Variants in CATSPERZ observed in about 807,000 individuals in gnomAD.
CATSPERZ encodes catsper channel auxiliary subunit zeta, also known as cation channel sperm-associated auxiliary subunit zeta.
In CATSPERZ, 21 loss-of-function variants were observed where a neutral mutation model predicts 21.7. The observed-to-expected ratio is 0.97, with a 90% confidence interval of 0.69 to 1.39. CATSPERZ has a LOEUF of 1.39. CATSPERZ is among the 40% of genes most tolerant of loss of function. The probability of loss-of-function intolerance (pLI) is 0.00; values close to 1 mark genes in which losing one functional copy is unlikely to be tolerated. For synonymous variants in CATSPERZ, 127 were observed against 108.7 expected (o/e 1.17, Z -1.05); for missense variants, 234 against 259.5 (o/e 0.90, Z 0.68).
chr11:64,303,430 A>T, intron 2 of CATSPERZ, 52 bp from the exon 3 acceptor site: 1 of 1,463,810 alleles, frequency 6.8e-7, no homozygotes, highest in Non-Finnish European at 9.4e-7. Context: ...CCTGTGCTCC[A>T]GGGAAGGCCC....
At position 64,304,613 on chromosome 11, in the gene CATSPERZ, G is replaced by A. The variant is rs1007053694; in HGVS notation, c.570G>A (p.Lys190=). Residue 190 remains lysine, a synonymous_variant, in exon 5 of 5, where the codon AAG becomes AAA. Transcript: ENST00000328404. ...KELQRYIEGL[K]KRRSKRLYVN is the part of the protein sequence containing the mutation. Reference sequence around the variant, plus strand: ...TGCAGCGATACATCGAAGGGCTCAAGAAGCGCCGGAGCAAGAGGCTGTACG... The same window carrying A: ...TGCAGCGATACATCGAAGGGCTCAAAAAGCGCCGGAGCAAGAGGCTGTACG... 1 of 1,581,890 alleles carries A rather than the reference G, an allele frequency of 6.3e-7. No individual in the cohort carries two copies. Among genetic ancestry groups the A allele is most frequent in the African/African-American group, 1.3e-5 (1 of 74,224 alleles).
rs187834542 is a variant in CATSPERZ, at chr11:64,303,091, G to A, written c.353-391G>A. 6.4e-4 allele frequency among the ~76,000 whole-genome samples: 96 copies of A among 151,050 alleles called. 2 individuals carry two copies. The East Asian group carries it at 0.016, about 26-fold the overall frequency. ...ATTTTTGTATTTTTAGTAGAGACGGGGGTTTCACCATGTTGGCCAGGTTGG... is the reference window on the plus strand; with the variant it reads ...ATTTTTGTATTTTTAGTAGAGACGGAGGTTTCACCATGTTGGCCAGGTTGG... On this transcript the variant is annotated intron_variant, in intron 2 of 4. Coordinates refer to ENST00000328404, the MANE Select transcript of CATSPERZ (RefSeq NM_001039496.2).
At chr11:64,302,731 C>A (rs2034946966) in intron 2 of CATSPERZ, among the ~76,000 whole-genome samples, 1 of 151,814 alleles carries the variant, frequency 6.6e-6, no homozygotes, top group South Asian at 2.1e-4. Flanking sequence ...TGCCACTATG[C>A]CTGGCTAATT....
intron 2 of CATSPERZ, among the ~76,000 whole-genome samples, chr11:64,303,044 C>CA (rs886950185): frequency 6.6e-6 from 1 of 151,822 alleles, no homozygotes; most frequent in Non-Finnish European, 1.5e-5. Flanking sequence ...GGATTACAGG[C>CA]ACTTGCCAGC....
chr11:64,300,375 G>T lies in CATSPERZ; in HGVS notation c.-36G>T, dbSNP rs762862526. 7.0e-7 allele frequency: 1 copy of T among 1,422,300 alleles called. No homozygotes were observed. Among genetic ancestry groups the T allele is most frequent in the Admixed American group, 1.9e-5 (1 of 53,880 alleles). 88.1% of individuals were successfully genotyped at this position (1,422,300 alleles called of 1,614,324 possible). ...GGAGCGTTGACTCCCTTCTCGTCTC[G>T]AGGCCTGTGGCGTCTGGGTCCGTTG... On this transcript the variant is annotated 5_prime_UTR_variant, in exon 1 of 5. Transcript: ENST00000328404.
At position 64,303,923 on chromosome 11, in the gene CATSPERZ, CAGGGTG is replaced by C. The variant is rs2034971147; in HGVS notation, c.499+85_499+90del. 20 of 1,377,872 alleles carry C rather than the reference CAGGGTG, an allele frequency of 1.5e-5. No homozygotes were observed. In the East Asian group the frequency reaches 2.7e-4, roughly 19 times the overall value. 85.4% of individuals were successfully genotyped at this position (1,377,872 alleles called of 1,614,324 possible). ...GCTGGGGCCCAGGGGGGTGGGGTTTCAGGGTGCCTTATGTCTTGTCAGATGCCCTTG... is the reference window on the plus strand; with the variant it reads ...GCTGGGGCCCAGGGGGGTGGGGTTTCCCTTATGTCTTGTCAGATGCCCTTG... On this transcript the variant is annotated intron_variant, in intron 4 of 4. Coordinates refer to ENST00000328404, the MANE Select transcript of CATSPERZ (RefSeq NM_001039496.2).
rs2034904956 is a variant in CATSPERZ at position 64,300,558 on chromosome 11, G to A, written c.22-99G>A. On this transcript the variant is annotated intron_variant, in intron 1 of 4. Coordinates refer to ENST00000328404, the MANE Select transcript of CATSPERZ (RefSeq NM_001039496.2). ...GCCCCCACCCAACCCCACGTTCTAC[G>A]GGATCCCCAACCCGGCCCGGCTCAG... is the stretch of plus-strand genomic sequence containing the variant. 6 of 1,498,050 alleles carry A rather than the reference G, an allele frequency of 4.0e-6. No individual in the cohort carries two copies. The Admixed American group carries it at 6.1e-5, about 15-fold the overall frequency. The allele number at this position is 1,498,050 out of a possible 1,614,324, so 92.8% of individuals were successfully genotyped here. A position where few individuals can be genotyped will look rare whatever the true frequency, so the allele number is the denominator to read the frequency against.
chr11:64,302,049 G>A (rs536636834), intron 2 of CATSPERZ, among the ~76,000 whole-genome samples: 3 of 152,228 alleles, frequency 2.0e-5, no homozygotes, highest in Admixed American at 2.0e-4. Context: ...TGGTTGAGGA[G>A]GTGTACGTCT....
intron 2 of CATSPERZ, among the ~76,000 whole-genome samples, chr11:64,302,242 C>T (rs1042796785): frequency 6.6e-6 from 1 of 152,206 alleles, no homozygotes; most frequent in Non-Finnish European, 1.5e-5. Context: ...CTTCAAACTT[C>T]ACAACCTCCA....
At chr11:64,304,507 C>T in intron 4 of CATSPERZ, 36 bp from the exon 5 acceptor site, 1 of 1,520,892 alleles carries the variant, frequency 6.6e-7, no homozygotes, top group Non-Finnish European at 8.9e-7. Context: ...CTTTCGGTTG[C>T]TCACTGCCCT....
rs369046088 is a variant in CATSPERZ, at chr11:64,303,516, G to A, written c.387G>A (p.Ala129=). The change falls in exon 3 of 5, where the codon GCG becomes GCA. Residue 129 remains alanine, a synonymous_variant. Coordinates refer to ENST00000328404, the MANE Select transcript of CATSPERZ (RefSeq NM_001039496.2). Reference sequence around the variant, plus strand: ...CCTCAATGTCATCACTCAATATTGCGAAGCACATGCCCCATCGAGCCTACT... The same window carrying A: ...CCTCAATGTCATCACTCAATATTGCAAAGCACATGCCCCATCGAGCCTACT... ...KSSSMSSLNI[A]KHMPHRAYWA... is the part of the protein sequence containing the mutation. 21 of 1,613,402 alleles carry A rather than the reference G, an allele frequency of 1.3e-5. No individual in the cohort carries two copies. The highest frequency in any genetic ancestry group is 1.6e-4 in the Middle Eastern group (1 of 6,062).
rs375492502 is a variant in CATSPERZ at position 64,300,976 on chromosome 11, A to C, written c.341A>C (p.Gln114Pro). 13 of 1,549,428 alleles carry C rather than the reference A, an allele frequency of 8.4e-6. No individual in the cohort carries two copies. In the African/African-American group the frequency reaches 1.5e-4, roughly 18 times the overall value. Residue 114 changes from glutamine (Q) to proline (P), a missense_variant, in exon 2 of 5, where the codon CAG (glutamine) becomes CCG (proline). Gln to Pro is a moderately conservative substitution (Grantham distance 76). Coordinates refer to ENST00000328404, the MANE Select transcript of CATSPERZ (RefSeq NM_001039496.2). ...INLGEKDTAS[Q>P]IEAEKSSSMS... ...CTGGGGGAGAAGGACACTGCATCCCAGATCGAGGCCGGTCAGTGTGGCCTC... is the reference window on the plus strand; with the variant it reads ...CTGGGGGAGAAGGACACTGCATCCCCGATCGAGGCCGGTCAGTGTGGCCTC...
At chr11:64,304,511 C>T (rs768268486) in intron 4 of CATSPERZ, 32 bp from the exon 5 acceptor site, 27 of 1,530,828 alleles carry the variant, frequency 1.8e-5, no homozygotes, top group Admixed American at 2.1e-5. Context: ...CGGTTGCTCA[C>T]TGCCCTGAGC....
chr11:64,303,398 C>A, intron 2 of CATSPERZ, 84 bp from the exon 3 acceptor site: 1 of 1,148,278 alleles, frequency 8.7e-7, no homozygotes, highest in Non-Finnish European at 1.3e-6. Context: ...GCCATTCCCT[C>A]TCACAAGGTG....
Position 64,303,610 on chromosome 11 carries a change from C to T in CATSPERZ, c.432+49C>T, listed in dbSNP as rs520710. 5,263 of 1,485,718 alleles carry T rather than the reference C, an allele frequency of 3.5e-3. 10 individuals carry two copies. Among genetic ancestry groups the T allele is most frequent in the South Asian group, 5.0e-3 (427 of 86,192 alleles). The allele number at this position is 1,485,718 out of a possible 1,614,324, so 92.0% of individuals were successfully genotyped here. ...GCGTTTCGGTGGGGTAGGGGATAGGCAAATTGGGGGTTGATAGGATATGAA... is the reference window on the plus strand; with the variant it reads ...GCGTTTCGGTGGGGTAGGGGATAGGTAAATTGGGGGTTGATAGGATATGAA... On this transcript the variant is annotated intron_variant, in intron 3 of 4. Coordinates refer to ENST00000328404, the MANE Select transcript of CATSPERZ (RefSeq NM_001039496.2).
chr11:64,303,292 C>T (rs548502823), intron 2 of CATSPERZ, among the ~76,000 whole-genome samples, 190 bp from the exon 3 acceptor site: 2 of 152,248 alleles, frequency 1.3e-5, no homozygotes, highest in East Asian at 3.9e-4. Context: ...GTGGGGCAGT[C>T]ATTACTGGAA....
chr11:64,303,575 G>A lies in CATSPERZ; in HGVS notation c.432+14G>A. 6.2e-7 allele frequency: 1 copy of A among 1,611,712 alleles called. No homozygotes were observed. Among genetic ancestry groups the A allele is most frequent in the Non-Finnish European group, 8.5e-7 (1 of 1,178,860 alleles). On this transcript the variant is annotated intron_variant, in intron 3 of 4. Transcript: ENST00000328404. ...CAGCAGAGCAGGGTTGGAGGGGCTG[G>A]GGAGACTGGGCGTTTCGGTGGGGTA... is the stretch of plus-strand genomic sequence containing the variant.
chr11:64,300,442 T>A lies in CATSPERZ; in HGVS notation c.21+11T>A. ...GAAAAGCCTTCGAAAGTAAGACGTC[T>A]CCCTAGGCCCCTTACCCTGTCCGCT... On this transcript the variant is annotated intron_variant, in intron 1 of 4. Coordinates refer to ENST00000328404, the MANE Select transcript of CATSPERZ (RefSeq NM_001039496.2). 6.6e-7 allele frequency: 1 copy of A among 1,518,836 alleles called. No homozygotes were observed. The highest frequency in any genetic ancestry group is 8.9e-7 in the Non-Finnish European group (1 of 1,120,286). 94.1% of individuals were successfully genotyped at this position (1,518,836 alleles called of 1,614,324 possible).
intron 2 of CATSPERZ, among the ~76,000 whole-genome samples, chr11:64,302,602 T>C (rs1413985095): frequency 6.6e-6 from 1 of 151,998 alleles, no homozygotes; most frequent in Non-Finnish European, 1.5e-5. Context: ...AGTCAGATTC[T>C]CACTCTGTTG....
Sources: allele counts gnomAD v4.1 joint callset (sites outside exome capture counted in the v4.1 genomes callset), GRCh38; gene constraint gnomAD v4.1.1; transcripts MANE v1.5; gene names NCBI Gene and HGNC (gene_info 2026-07-23, HGNC 2026-07-21).